CSMD1: variants seen among roughly 807,000 people sequenced by gnomAD.
CSMD1 encodes CUB and sushi domain-containing protein 1.
In CSMD1, 213 loss-of-function variants were observed where a neutral mutation model predicts 417.5. That is an observed-to-expected ratio of 0.51 (90% CI 0.46 to 0.57). The LOEUF is 0.57. Ranked by LOEUF, CSMD1 falls within the 20% of genes least tolerant of loss-of-function variation. The pLI is 0.00. For missense variants in CSMD1, 6,923 were observed against 4,529.7 expected (o/e 1.53, Z -15.17); for synonymous variants, 2,862 against 1,736.8 (o/e 1.65, Z -16.11).
At chr8:3,843,044 C>T (rs1803237370) in intron 5 of CSMD1, among the ~76,000 whole-genome samples, 1 of 152,146 alleles carries the variant, frequency 6.6e-6, no homozygotes, top group Non-Finnish European at 1.5e-5. Context: ...TCACATTTTG[C>T]ACATGATAAA....
At chr8:3,252,733 T>C (rs988251596) in intron 26 of CSMD1, among the ~76,000 whole-genome samples, 5 of 152,240 alleles carry the variant, frequency 3.3e-5, no homozygotes, top group African/African-American at 1.2e-4. Context: ...ATTGCCTCAA[T>C]TTCAGAGCCT....
intron 2 of CSMD1, among the ~76,000 whole-genome samples, chr8:4,436,163 A>G (rs1400244949): frequency 6.6e-6 from 1 of 152,198 alleles, no homozygotes; most frequent in African/African-American, 2.4e-5. Context: ...TGAGAGAGTT[A>G]GATTTCAGTG....
At chr8:4,230,613 G>A (rs896658503) in intron 3 of CSMD1, among the ~76,000 whole-genome samples, 2 of 152,076 alleles carry the variant, frequency 1.3e-5, no homozygotes, top group Non-Finnish European at 2.9e-5. Context: ...GTATCAAGAT[G>A]TTTTTAAACC....
chr8:3,674,603 G>T (rs1357790570), intron 7 of CSMD1, among the ~76,000 whole-genome samples: 1 of 151,920 alleles, frequency 6.6e-6, no homozygotes, highest in Non-Finnish European at 1.5e-5. Flanking sequence ...TATAACTCCA[G>T]ATTCTAGATA....
chr8:3,651,276 T>C (rs1308083500), intron 7 of CSMD1, among the ~76,000 whole-genome samples: 1 of 152,192 alleles, frequency 6.6e-6, no homozygotes, highest in African/African-American at 2.4e-5. Flanking sequence ...AGGATTCCAT[T>C]TCACCTTGAG....
Position 4,157,904 on chromosome 8 carries a change from C to T in CSMD1, c.416-125805G>A, listed in dbSNP as rs373358692. On this transcript the variant is annotated intron_variant, in intron 3 of 69. Coordinates refer to ENST00000635120, the MANE Select transcript of CSMD1 (RefSeq NM_033225.6). The stretch of plus-strand genomic sequence containing the variant: ...CCCCACAGGACAACAGGATGCTGAA[C>T]TTGGGCTTGTCCCTGAGGTTAAGCA... 1.6e-3 allele frequency among the ~76,000 whole-genome samples: 244 copies of T among 152,310 alleles called. 10 individuals carry two copies. The South Asian group carries it at 0.05, about 31-fold the overall frequency.
At chr8:3,851,757 A>AG (rs1803923838) in intron 5 of CSMD1, among the ~76,000 whole-genome samples, 1 of 152,208 alleles carries the variant, frequency 6.6e-6, no homozygotes, top group Admixed American at 6.5e-5. Flanking sequence ...AGGAATGAAG[A>AG]GGGAATGTAT....
intron 1 of CSMD1, among the ~76,000 whole-genome samples, chr8:4,992,000 C>CTCAGCACCTCTCCA (rs1811493093): frequency 6.6e-6 from 1 of 152,182 alleles, no homozygotes; most frequent in Non-Finnish European, 1.5e-5. Flanking sequence ...CACACACTTG[C>CTCAGCACCTCTCCA]GCACAGCACC....
intron 5 of CSMD1, among the ~76,000 whole-genome samples, chr8:3,932,425 G>T (rs1001637233): frequency 6.7e-6 from 1 of 150,232 alleles, no homozygotes; most frequent in African/African-American, 2.5e-5. Flanking sequence ...ATTTCTCATG[G>T]TATTTCACTC....
intron 37 of CSMD1, among the ~76,000 whole-genome samples, chr8:3,178,008 A>G (rs1821050282): frequency 1.3e-5 from 2 of 152,260 alleles, no homozygotes; most frequent in Non-Finnish European, 2.9e-5. Context: ...AAATGGCTAT[A>G]GAATATATTA....
chr8:4,976,134 G>C (rs1001102160), intron 1 of CSMD1, among the ~76,000 whole-genome samples: 1 of 152,158 alleles, frequency 6.6e-6, no homozygotes, highest in South Asian at 2.1e-4. Flanking sequence ...CATAAGGGAA[G>C]AACAGACACT....
At chr8:4,467,435 A>T (rs1195244908) in intron 2 of CSMD1, among the ~76,000 whole-genome samples, 1 of 150,864 alleles carries the variant, frequency 6.6e-6, no homozygotes, top group African/African-American at 2.5e-5. Flanking sequence ...TACCAAGCAG[A>T]CATCCTTCTA....
chr8:4,314,694 GT>G (rs1223760129), intron 3 of CSMD1, among the ~76,000 whole-genome samples: 1 of 152,054 alleles, frequency 6.6e-6, no homozygotes, highest in East Asian at 1.9e-4. Flanking sequence ...TGCCTTTCAA[GT>G]TTTTATGTGT....
rs1563353386 is a variant in CSMD1 at position 3,763,218 on chromosome 8, G to T, written c.819-9176C>A. ...CATCATAAAGTAGAAATGACTATAT[G>T]AAACCCTCGATGTTATGATGCCAGC... On this transcript the variant is annotated intron_variant, in intron 5 of 69. Coordinates refer to ENST00000635120, the MANE Select transcript of CSMD1 (RefSeq NM_033225.6). Among the ~76,000 whole-genome samples the T allele has an allele frequency of 2.6e-5, 4 of 152,246 alleles. No individual in the cohort carries two copies. The South Asian group carries it at 8.3e-4, about 32-fold the overall frequency.
At chr8:3,020,135 T>A (rs1809238601) in intron 51 of CSMD1, among the ~76,000 whole-genome samples, 2 of 152,210 alleles carry the variant, frequency 1.3e-5, no homozygotes, top group African/African-American at 4.8e-5. Context: ...ACTTGCCAAT[T>A]TTCTAAGTCT....
chr8:4,953,499 T>C (rs1426527927), intron 1 of CSMD1, among the ~76,000 whole-genome samples: 2 of 152,134 alleles, frequency 1.3e-5, no homozygotes, highest in African/African-American at 4.8e-5. Context: ...CCCAACATCG[T>C]CCACGGTGGC....
At chr8:3,561,627 G>A (rs1390860239) in intron 10 of CSMD1, among the ~76,000 whole-genome samples, 1 of 152,152 alleles carries the variant, frequency 6.6e-6, no homozygotes, top group Non-Finnish European at 1.5e-5. Flanking sequence ...CCGAAAGTGA[G>A]GAGAGAGGCA....
At chr8:4,079,176 A>T (rs1298983733) in intron 3 of CSMD1, among the ~76,000 whole-genome samples, 2 of 152,056 alleles carry the variant, frequency 1.3e-5, no homozygotes, top group African/African-American at 4.8e-5. Context: ...TAAATTGAAT[A>T]TAAGCTAATG....
intron 69 of CSMD1, among the ~76,000 whole-genome samples, chr8:2,939,519 T>C (rs1408316441): frequency 6.6e-6 from 1 of 152,202 alleles, no homozygotes; most frequent in Non-Finnish European, 1.5e-5. Context: ...CAGAATCATG[T>C]CTGGTCTGCT....
Sources: allele counts gnomAD v4.1 joint callset (sites outside exome capture counted in the v4.1 genomes callset), GRCh38; gene constraint gnomAD v4.1.1; transcripts MANE v1.5; gene names NCBI Gene and HGNC (gene_info 2026-07-23, HGNC 2026-07-21).